Variants in GDPD1 observed in about 807,000 individuals in gnomAD.
GDPD1 encodes lysophospholipase D GDPD1.
Under a neutral mutation model 45.1 loss-of-function variants are expected in GDPD1, and 28 were observed. The ratio of observed to expected loss-of-function variants is 0.62; its 90% CI spans 0.46 to 0.85. The LOEUF is 0.85. GDPD1 is among the 40% of genes least tolerant of loss of function. The pLI is 0.00. For synonymous variants in GDPD1, 139 were observed against 131.4 expected, an observed-to-expected ratio of 1.06 and a Z score of -0.40; for missense variants, 256 against 364.8, an observed-to-expected ratio of 0.70 and a Z score of 2.43.
intron 7 of GDPD1, among the ~76,000 whole-genome samples, chr17:59,269,484 C>CG (rs560648819): frequency 0.013 from 1,981 of 147,464 alleles, 23 homozygotes; most frequent in Non-Finnish European, 0.021. Flanking sequence ...TACCCCCCCC[C>CG]CCAAAAAACA....
Position 59,274,183 on chromosome 17 carries a change from A to T in GDPD1, c.*410A>T. On this transcript the variant is annotated 3_prime_UTR_variant, in exon 10 of 10. Coordinates refer to ENST00000284116, the MANE Select transcript of GDPD1 (RefSeq NM_182569.4). ...ATTTCTGTAGATGATGCAGTGTTCT[A>T]TCATAAGTAATTCTGGAATCAAAGA... is the stretch of plus-strand genomic sequence containing the variant. 8.2e-6 allele frequency: 8 copies of T among 975,132 alleles called. No homozygotes were observed. Among genetic ancestry groups the T allele is most frequent in the Non-Finnish European group, 9.7e-6 (8 of 821,348 alleles). 60.4% of individuals were successfully genotyped at this position (975,132 alleles called of 1,614,324 possible).
rs2046995731 is a variant in GDPD1 at position 59,220,632 on chromosome 17, A to G, written c.23A>G (p.Tyr8Cys). 1 of 1,613,452 alleles carries G rather than the reference A, an allele frequency of 6.2e-7. No homozygotes were observed. The highest frequency in any genetic ancestry group is 1.1e-5 in the South Asian group (1 of 90,946). Residue 8 changes from tyrosine to cysteine, a missense_variant, in exon 1 of 10, where the codon TAC (tyrosine) becomes TGC (cysteine). Transcript: ENST00000284116. MSSTAAFYLLSTLGGYLV... is the reference protein window; with the variant it reads MSSTAAFCLLSTLGGYLV... ...GAGATGTCGTCCACTGCGGCTTTTT[A>G]CCTTCTCTCTACGCTAGGAGGATAC...
intron 2 of GDPD1, among the ~76,000 whole-genome samples, chr17:59,235,815 TCAA>T (rs2047127522): frequency 1.6e-5 from 2 of 121,556 alleles, no homozygotes; most frequent in Non-Finnish European, 1.6e-5. Context: ...AGACTCTATC[TCAA>T]AAAAAAAAAA....
intron 6 of GDPD1, 87 bp from the exon 7 acceptor site, chr17:59,266,954 G>T (rs958014572): frequency 6.3e-6 from 7 of 1,103,466 alleles, no homozygotes; most frequent in Non-Finnish European, 9.4e-6. Context: ...TCAACACATT[G>T]TCTTGGGAAA....
At chr17:59,248,121 G>C (rs958206678) in intron 3 of GDPD1, among the ~76,000 whole-genome samples, 7 of 151,666 alleles carry the variant, frequency 4.6e-5, no homozygotes, top group African/African-American at 1.5e-4. Context: ...TTGCCAGCTG[G>C]GTGCGGTAGC....
rs146874163 is a variant in GDPD1 at position 59,243,700 on chromosome 17, A to G, written c.186-1714A>G. ...TTTTAAAATTCAGATATACCCCAAC[A>G]ATGCTATTCCATGTGAATTCTATAT... On this transcript the variant is annotated intron_variant, in intron 2 of 9. Transcript: ENST00000284116. Among the ~76,000 whole-genome samples, 785 of 152,230 alleles carry G rather than the reference A, an allele frequency of 5.2e-3. 11 individuals carry two copies. The highest frequency in any genetic ancestry group is 0.018 in the African/African-American group (742 of 41,532).
chr17:59,246,834 C>T (rs1304386781), intron 3 of GDPD1, among the ~76,000 whole-genome samples: 1 of 151,268 alleles, frequency 6.6e-6, no homozygotes, highest in Non-Finnish European at 1.5e-5. Context: ...GTGGCATGAT[C>T]TCGGCTCACT....
intron 1 of GDPD1, among the ~76,000 whole-genome samples, chr17:59,224,603 C>A (rs778905440): frequency 1.4e-5 from 2 of 143,638 alleles, no homozygotes; most frequent in Non-Finnish European, 3.0e-5. Context: ...CCAGCCTGGG[C>A]GACAGGGCGA....
At chr17:59,262,636 T>G (rs1480604698) in intron 6 of GDPD1, among the ~76,000 whole-genome samples, 2 of 103,342 alleles carry the variant, frequency 1.9e-5, no homozygotes, top group African/African-American at 5.6e-5. Context: ...TTTGTTTTTT[T>G]TTGTTTTTTT....
At chr17:59,267,930 G>C (rs1941794663) in intron 7 of GDPD1, among the ~76,000 whole-genome samples, 1 of 152,022 alleles carries the variant, frequency 6.6e-6, no homozygotes, top group Non-Finnish European at 1.5e-5. Flanking sequence ...TCCTCCCAAA[G>C]TGCTGGGATT....
chr17:59,227,417 T>TA (rs935860398), intron 1 of GDPD1, among the ~76,000 whole-genome samples: 78 of 139,184 alleles, frequency 5.6e-4, no homozygotes, highest in South Asian at 1.8e-3. Context: ...AGATTCCAAC[T>TA]AAAAAAAAAA....
intron 7 of GDPD1, among the ~76,000 whole-genome samples, chr17:59,267,604 C>T (rs944852375): frequency 2.6e-5 from 4 of 151,690 alleles, no homozygotes; most frequent in African/African-American, 9.7e-5. Flanking sequence ...ACCATAAAAA[C>T]CTCTGGAGAT....
chr17:59,247,754 C>T (rs541682732), intron 3 of GDPD1, among the ~76,000 whole-genome samples: 1 of 152,004 alleles, frequency 6.6e-6, no homozygotes, highest in Non-Finnish European at 1.5e-5. Flanking sequence ...CTCAGCCCCC[C>T]CAAATAGCTG....
At chr17:59,222,616 G>T (rs1230399775) in intron 1 of GDPD1, among the ~76,000 whole-genome samples, 1 of 146,172 alleles carries the variant, frequency 6.8e-6, no homozygotes, top group Non-Finnish European at 1.5e-5. Flanking sequence ...CTGTGTTCAA[G>T]CGATTCTCCT....
chr17:59,270,289 G>C (rs967699900), intron 7 of GDPD1, among the ~76,000 whole-genome samples: 2 of 151,726 alleles, frequency 1.3e-5, no homozygotes, highest in African/African-American at 4.8e-5. Context: ...TGCCTCCTGG[G>C]TTCAAGCAGT....
intron 3 of GDPD1, among the ~76,000 whole-genome samples, chr17:59,245,937 A>G: frequency 6.6e-6 from 1 of 152,084 alleles, no homozygotes; most frequent in Non-Finnish European, 1.5e-5. Context: ...CCTGGCCAAC[A>G]TGGTGAAACC....
At chr17:59,255,758 AAAAAATATATATATATATATAT>A (rs2047293100) in intron 4 of GDPD1, among the ~76,000 whole-genome samples, 1 of 76,640 alleles carries the variant, frequency 1.3e-5, no homozygotes, top group Non-Finnish European at 2.3e-5. Context: ...AAAAAAAAAA[AAAAAATATATATATATATATAT>A]ATATACGCGT....
intron 1 of GDPD1, among the ~76,000 whole-genome samples, chr17:59,229,135 T>G (rs1472536340): frequency 7.7e-6 from 1 of 129,870 alleles, no homozygotes; most frequent in Non-Finnish European, 1.6e-5. Flanking sequence ...ATTATTATTA[T>G]TATTATTATT....
intron 1 of GDPD1, among the ~76,000 whole-genome samples, chr17:59,224,367 A>G (rs2047028856): frequency 6.6e-6 from 1 of 152,190 alleles, no homozygotes. Context: ...TCATGCCTAT[A>G]ATCCCAGCAC....
Sources: allele counts gnomAD v4.1 joint callset (sites outside exome capture counted in the v4.1 genomes callset), GRCh38; gene constraint gnomAD v4.1.1; transcripts MANE v1.5; gene names NCBI Gene and HGNC (gene_info 2026-07-23, HGNC 2026-07-21).